ITPR2: variants seen among roughly 807,000 people sequenced by gnomAD.
ITPR2 encodes inositol 1,4,5-trisphosphate receptor type 2, also known as inositol 1,4,5-trisphosphate-gated calcium channel ITPR2.
In ITPR2, 207 loss-of-function variants were observed where a neutral mutation model predicts 317.1. That is an observed-to-expected ratio of 0.65 (90% confidence interval 0.58 to 0.73). ITPR2 has a LOEUF of 0.73. Ranked by LOEUF, ITPR2 falls within the 30% of genes least tolerant of loss-of-function variation. ITPR2 has a pLI of 0.00. For synonymous variants in ITPR2, 1,156 were observed against 1,149.1 expected, an observed-to-expected ratio of 1.01 and a Z score of -0.12; for missense variants, 2,613 against 3,284.0, an observed-to-expected ratio of 0.80 and a Z score of 4.99.
At chr12:26,792,452 T>C (rs1377271199) in intron 1 of ITPR2, among the ~76,000 whole-genome samples, 2 of 151,930 alleles carry the variant, frequency 1.3e-5, no homozygotes, top group East Asian at 3.9e-4. Flanking sequence ...CAACAACCTC[T>C]TCTTGAATAC....
At chr12:26,490,954 T>C (rs575186988) in intron 39 of ITPR2, among the ~76,000 whole-genome samples, 13 of 152,236 alleles carry the variant, frequency 8.5e-5, no homozygotes, top group African/African-American at 3.1e-4. Flanking sequence ...ATGTATTGAG[T>C]TGAATCCTCA....
intron 33 of ITPR2, among the ~76,000 whole-genome samples, chr12:26,579,448 T>C (rs1945344827): frequency 6.6e-6 from 1 of 152,142 alleles, no homozygotes; most frequent in African/African-American, 2.4e-5. Flanking sequence ...TTATATATTC[T>C]GTACACAAAC....
At chr12:26,459,454 G>C (rs186108860) in intron 45 of ITPR2, among the ~76,000 whole-genome samples, 6 of 152,318 alleles carry the variant, frequency 3.9e-5, no homozygotes, top group Non-Finnish European at 8.8e-5. Context: ...AGTCCAGTTT[G>C]TGTCTCTTAC....
intron 6 of ITPR2, 86 bp downstream of exon 6, chr12:26,716,058 A>C: frequency 1.1e-6 from 1 of 894,292 alleles, no homozygotes; most frequent in East Asian, 2.5e-5. Context: ...TGCTCATGAA[A>C]ACAATGAAAG....
chr12:26,494,350 G>T lies in ITPR2; in HGVS notation c.5183-10C>A. On this transcript the variant is annotated splice_polypyrimidine_tract_variant and intron_variant, in intron 38 of 56. Coordinates refer to ENST00000381340, the MANE Select transcript of ITPR2 (RefSeq NM_002223.4). ...TGTCCAGAAAAGCTTCCTGTGATTGGGAAAAATAAATAAATAAACCTTAAT... is the reference window on the plus strand; with the variant it reads ...TGTCCAGAAAAGCTTCCTGTGATTGTGAAAAATAAATAAATAAACCTTAAT... 1 of 1,572,210 alleles carries T rather than the reference G, an allele frequency of 6.4e-7. No homozygotes were observed. Among genetic ancestry groups the T allele is most frequent in the South Asian group, 1.2e-5 (1 of 83,944 alleles).
At chr12:26,675,579 G>C (rs1339082585) in intron 13 of ITPR2, among the ~76,000 whole-genome samples, 3 of 152,152 alleles carry the variant, frequency 2.0e-5, no homozygotes, top group East Asian at 1.9e-4. Context: ...ATAGCATTGG[G>C]AGATATACCT....
intron 55 of ITPR2, among the ~76,000 whole-genome samples, chr12:26,374,657 G>C (rs981394180): frequency 7.9e-5 from 12 of 152,246 alleles, no homozygotes; most frequent in Admixed American, 7.2e-4. Context: ...TGCTAGGATA[G>C]ATGTGATTGT....
chr12:26,570,188 T>C (rs1231519267), intron 34 of ITPR2, among the ~76,000 whole-genome samples: 2 of 152,206 alleles, frequency 1.3e-5, no homozygotes, highest in Non-Finnish European at 1.5e-5. Context: ...TTTCTGTACA[T>C]GTTATATCTA....
In ITPR2 at chr12:26,400,239, ATCTTCATAC is replaced by A; in HGVS notation, c.7410_7418del (p.Glu2470_Glu2472del). The A allele has an allele frequency of 1.3e-6, 2 of 1,575,834 alleles. No homozygotes were observed. Among genetic ancestry groups the A allele is most frequent in the Non-Finnish European group, 1.7e-6 (2 of 1,156,902 alleles). On this transcript the variant is annotated inframe_deletion, in exon 53 of 57. Coordinates refer to ENST00000381340, the MANE Select transcript of ITPR2 (RefSeq NM_002223.4). ...GAGTGTCACACGTCCTTTCAATTCC[ATCTTCATAC>A]TCTTCATCAGCTATAAAAACACATA...
At chr12:26,523,884 G>A (rs930824562) in intron 37 of ITPR2, among the ~76,000 whole-genome samples, 3 of 152,234 alleles carry the variant, frequency 2.0e-5, no homozygotes, top group African/African-American at 7.2e-5. Context: ...CACTGCAGGC[G>A]TTACATAATC....
Position 26,622,256 on chromosome 12 carries a change from A to G in ITPR2, c.3272T>C (p.Leu1091Ser). Residue 1091 changes from leucine to serine, a missense_variant, in exon 25 of 57, where the codon TTA (leucine) becomes TCA (serine). Leu to Ser is a moderately radical substitution (Grantham distance 145). Coordinates refer to ENST00000381340, the MANE Select transcript of ITPR2 (RefSeq NM_002223.4). ...CAATCTTACCTGCTTAAATGCCTGT[A>G]AAACCTCTGCCCTCTGGCTGAAGTG... ...FKHFSQRAEV[L>S]QAFKQVQLLV... 1 of 1,611,472 alleles carries G rather than the reference A, an allele frequency of 6.2e-7. No homozygotes were observed. The highest frequency in any genetic ancestry group is 8.5e-7 in the Non-Finnish European group (1 of 1,179,126).
At chr12:26,585,983 C>T (rs1026991435) in intron 32 of ITPR2, among the ~76,000 whole-genome samples, 2 of 151,962 alleles carry the variant, frequency 1.3e-5, no homozygotes, top group Non-Finnish European at 2.9e-5. Flanking sequence ...GGTTTATTAA[C>T]TTTTTGTATT....
At chr12:26,520,236 C>T (rs1943628442) in intron 37 of ITPR2, among the ~76,000 whole-genome samples, 1 of 152,174 alleles carries the variant, frequency 6.6e-6, no homozygotes, top group Non-Finnish European at 1.5e-5. Context: ...TTTTATGGAT[C>T]ACATTTCTAC....
chr12:26,588,098 T>G (rs1354980763), intron 32 of ITPR2, among the ~76,000 whole-genome samples: 2 of 152,022 alleles, frequency 1.3e-5, no homozygotes, highest in Non-Finnish European at 2.9e-5. Context: ...TATTTTAGAG[T>G]GAGGCATGGG....
At chr12:26,812,666 T>C (rs1196741744) in intron 1 of ITPR2, among the ~76,000 whole-genome samples, 1 of 152,210 alleles carries the variant, frequency 6.6e-6, no homozygotes, top group African/African-American at 2.4e-5. Context: ...CAAACAGGTA[T>C]AATGTCATTT....
chr12:26,817,040 G>A (rs997552602), intron 1 of ITPR2, among the ~76,000 whole-genome samples: 5 of 151,882 alleles, frequency 3.3e-5, no homozygotes, highest in Non-Finnish European at 5.9e-5. Context: ...AATTAGCCGG[G>A]CATGGTGGCA....
chr12:26,492,859 G>T (rs1942839160), intron 39 of ITPR2, among the ~76,000 whole-genome samples: 1 of 151,388 alleles, frequency 6.6e-6, no homozygotes, highest in African/African-American at 2.4e-5. Flanking sequence ...TGAGGTGATG[G>T]ATATGCTAAT....
intron 2 of ITPR2, among the ~76,000 whole-genome samples, chr12:26,789,453 T>G (rs1485131765): frequency 1.3e-5 from 2 of 152,218 alleles, no homozygotes; most frequent in Non-Finnish European, 2.9e-5. Flanking sequence ...TTCACCATTA[T>G]GAGAATGAAT....
intron 13 of ITPR2, among the ~76,000 whole-genome samples, chr12:26,674,386 A>T (rs1466922601): frequency 6.6e-6 from 1 of 152,228 alleles, no homozygotes; most frequent in Non-Finnish European, 1.5e-5. Flanking sequence ...CTCAGAAATA[A>T]CACCGCATAT....
Sources: allele counts gnomAD v4.1 joint callset (sites outside exome capture counted in the v4.1 genomes callset), GRCh38; gene constraint gnomAD v4.1.1; transcripts MANE v1.5; gene names NCBI Gene and HGNC (gene_info 2026-07-23, HGNC 2026-07-21).